CSMD1: variants seen among roughly 807,000 people sequenced by gnomAD.
CSMD1 encodes CUB and Sushi multiple domains 1, also known as CUB and sushi domain-containing protein 1.
CSMD1 carries 213 observed loss-of-function variants against 417.5 expected under a neutral mutation model. That is an observed-to-expected ratio of 0.51 (90% confidence interval 0.46 to 0.57). The LOEUF is 0.57. Ranked by LOEUF, CSMD1 falls within the 20% of genes least tolerant of loss-of-function variation. The pLI is 0.00. For synonymous variants in CSMD1, 2,862 were observed against 1,736.8 expected (o/e 1.65, Z -16.11); for missense variants, 6,923 against 4,529.7 (o/e 1.53, Z -15.17).
At chr8:4,759,011 G>C (rs1038527060) in intron 1 of CSMD1, among the ~76,000 whole-genome samples, 8 of 151,068 alleles carry the variant, frequency 5.3e-5, no homozygotes, top group Admixed American at 2.0e-4. Flanking sequence ...TCTTAAATAA[G>C]GTTCCCCAGG....
intron 6 of CSMD1, among the ~76,000 whole-genome samples, chr8:3,738,439 G>C (rs1416700388): frequency 6.6e-6 from 1 of 152,094 alleles, no homozygotes; most frequent in Non-Finnish European, 1.5e-5. Context: ...TTTCAATTTT[G>C]GGGGAAAATG....
chr8:3,252,323 G>A (rs980716710), intron 26 of CSMD1, among the ~76,000 whole-genome samples: 16 of 152,176 alleles, frequency 1.1e-4, no homozygotes, highest in Admixed American at 3.3e-4. Flanking sequence ...GGATTATCAC[G>A]TGGTTTTTGT....
chr8:3,675,517 A>G (rs1239191901), intron 7 of CSMD1, among the ~76,000 whole-genome samples: 2 of 152,192 alleles, frequency 1.3e-5, no homozygotes, highest in Non-Finnish European at 2.9e-5. Flanking sequence ...TGAAGCCCCA[A>G]TCTCCAATGA....
chr8:2,954,098 G>C lies in CSMD1; in HGVS notation c.10039+126C>G, dbSNP rs2128921233. On this transcript the variant is annotated intron_variant, in intron 65 of 69. Transcript: ENST00000635120. ...TGTAAGCTTGGTGTTTTAAATAATT[G>C]AAACATTAACTTGGTCGTGGACTAA... is the stretch of plus-strand genomic sequence containing the variant. 4 of 457,482 alleles carry C rather than the reference G, an allele frequency of 8.7e-6. No individual in the cohort carries two copies. In the East Asian group the frequency reaches 1.4e-4, roughly 16 times the overall value. 28.3% of individuals were successfully genotyped at this position (457,482 alleles called of 1,614,324 possible). A position where few individuals can be genotyped will look rare whatever the true frequency, so the allele number is the denominator to read the frequency against.
chr8:3,226,618 G>T (rs1798520372), intron 27 of CSMD1, among the ~76,000 whole-genome samples: 1 of 149,408 alleles, frequency 6.7e-6, no homozygotes, highest in Non-Finnish European at 1.5e-5. Context: ...AATGTCCTTT[G>T]GTCTACAGAA....
chr8:3,364,168 A>G (rs191937670), intron 20 of CSMD1, among the ~76,000 whole-genome samples: 2 of 151,846 alleles, frequency 1.3e-5, no homozygotes, highest in Non-Finnish European at 2.9e-5. Context: ...TAAAAAAAAA[A>G]CTCCATGGTA....
intron 5 of CSMD1, among the ~76,000 whole-genome samples, chr8:3,807,766 C>G (rs776547603): frequency 1.3e-5 from 2 of 152,056 alleles, no homozygotes; most frequent in Non-Finnish European, 2.9e-5. Flanking sequence ...ATTTTTAGTT[C>G]TCTCTCTGAG....
intron 10 of CSMD1, among the ~76,000 whole-genome samples, chr8:3,494,556 A>ATAGATAGG (rs141403702): frequency 0.013 from 108 of 8,402 alleles, 1 homozygote; most frequent in African/African-American, 0.043. Flanking sequence ...AGATTAGATG[A>ATAGATAGG]TAGATAGATA....
chr8:4,472,250 T>C (rs1345498425), intron 2 of CSMD1, among the ~76,000 whole-genome samples: 1 of 152,202 alleles, frequency 6.6e-6, no homozygotes, highest in Non-Finnish European at 1.5e-5. Context: ...CTTACACTTT[T>C]GCACAGCCTC....
intron 3 of CSMD1, among the ~76,000 whole-genome samples, chr8:4,104,153 T>A (rs17069008): frequency 0.018 from 2,705 of 152,344 alleles, 88 homozygotes; most frequent in African/African-American, 0.063. Context: ...CTGCAGCAGT[T>A]ACTGTCCTTG....
At position 4,551,908 on chromosome 8, in the gene CSMD1, A is replaced by G. The variant is rs564690169; in HGVS notation, c.302+85434T>C. Among the ~76,000 whole-genome samples the G allele has an allele frequency of 2.0e-5, 3 of 151,082 alleles. No homozygotes were observed. In the South Asian group the frequency reaches 6.3e-4, roughly 32 times the overall value. Reference sequence around the variant, plus strand: ...TCACCATGTTGCTCAGGCAGACTCAAACTTCTGGACTCAAGCAATCTGCCC... The same window carrying G: ...TCACCATGTTGCTCAGGCAGACTCAGACTTCTGGACTCAAGCAATCTGCCC... On this transcript the variant is annotated intron_variant, in intron 2 of 69. Coordinates refer to ENST00000635120, the MANE Select transcript of CSMD1 (RefSeq NM_033225.6).
chr8:4,408,306 C>A (rs1000423814), intron 3 of CSMD1, among the ~76,000 whole-genome samples: 4 of 152,218 alleles, frequency 2.6e-5, no homozygotes, highest in South Asian at 2.1e-4. Context: ...GTGTCAAAAA[C>A]GTCTTCAAGT....
chr8:4,383,468 A>C (rs1034100836), intron 3 of CSMD1, among the ~76,000 whole-genome samples: 54 of 152,194 alleles, frequency 3.5e-4, no homozygotes, highest in African/African-American at 1.3e-3. Flanking sequence ...CTAATACTTC[A>C]TACACAGTGA....
At chr8:3,531,143 G>C (rs371219230) in intron 10 of CSMD1, among the ~76,000 whole-genome samples, 1 of 151,982 alleles carries the variant, frequency 6.6e-6, no homozygotes, top group African/African-American at 2.4e-5. Flanking sequence ...TTACAGGTGT[G>C]AGCCACCACA....
At chr8:4,928,655 G>A (rs148782345) in intron 1 of CSMD1, among the ~76,000 whole-genome samples, 20 of 152,286 alleles carry the variant, frequency 1.3e-4, no homozygotes, top group African/African-American at 4.6e-4. Flanking sequence ...GGAATTCATT[G>A]TTACTCAGGG....
At chr8:3,553,657 T>C (rs1394981093) in intron 10 of CSMD1, among the ~76,000 whole-genome samples, 1 of 152,188 alleles carries the variant, frequency 6.6e-6, no homozygotes, top group African/African-American at 2.4e-5. Context: ...AACTTGACTC[T>C]TTGTTAACTT....
intron 6 of CSMD1, among the ~76,000 whole-genome samples, chr8:3,710,703 T>A (rs1197509528): frequency 6.6e-6 from 1 of 152,148 alleles, no homozygotes; most frequent in African/African-American, 2.4e-5. Flanking sequence ...AGCGACACTG[T>A]GCAGTATTTT....
At chr8:3,973,350 G>T (rs573039563) in intron 5 of CSMD1, among the ~76,000 whole-genome samples, 1 of 152,230 alleles carries the variant, frequency 6.6e-6, no homozygotes, top group African/African-American at 2.4e-5. Flanking sequence ...CTAGATAGAA[G>T]ATTTTCAAAA....
chr8:4,074,923 C>G (rs930377770), intron 3 of CSMD1, among the ~76,000 whole-genome samples: 12 of 152,062 alleles, frequency 7.9e-5, no homozygotes, highest in African/African-American at 2.9e-4. Context: ...GATAAGGCAC[C>G]ACACTTTGAA....
Sources: gnomAD v4.1 joint callset for allele counts (sites outside exome capture counted in the v4.1 genomes callset) on GRCh38, gnomAD v4.1.1 for gene constraint, MANE v1.5 for transcripts, NCBI Gene and HGNC (gene_info 2026-07-23, HGNC 2026-07-21) for gene names.